SYNE1: variants seen among roughly 807,000 people sequenced by gnomAD.
The protein encoded by SYNE1 is nesprin-1.
Under a neutral mutation model 1,111.0 loss-of-function variants are expected in SYNE1, and 616 were observed. The ratio of observed to expected loss-of-function variants is 0.55; its 90% CI spans 0.52 to 0.59. SYNE1 has a LOEUF of 0.59. Among genes scored for constraint, SYNE1 ranks in the 20% least tolerant of loss-of-function variants. The pLI, the probability that SYNE1 is intolerant of heterozygous loss-of-function variation, is 0.00. For synonymous variants in SYNE1, 3,855 were observed against 3,825.8 expected (o/e 1.01, Z -0.28); for missense variants, 10,006 against 10,417.0 (o/e 0.96, Z 1.72).
chr6:152,511,720 A>G (rs1474242366), intron 6 of SYNE1: 2 of 910,938 alleles, frequency 2.2e-6, no homozygotes, highest in African/African-American at 1.7e-5. Flanking sequence ...AATACGTTTT[A>G]AAGAAAAACA....
At chr6:152,162,270 T>C (rs756763714) in intron 131 of SYNE1, among the ~76,000 whole-genome samples, 18 of 152,252 alleles carry the variant, frequency 1.2e-4, no homozygotes, top group Non-Finnish European at 2.2e-4. Flanking sequence ...CCCTCCATTC[T>C]GTTAACAACA....
Position 152,433,844 on chromosome 6 carries a change from G to A in SYNE1, c.4412C>T (p.Ala1471Val). Residue 1471 changes from alanine (A) to valine (V), a missense_variant, in exon 34 of 146, where the codon GCC becomes GTC. Ala to Val is a moderately conservative substitution (Grantham distance 64, BLOSUM62 0). Transcript: ENST00000367255. ...WITEKEKELNALETSSSAMDM... is the reference protein window; with the variant it reads ...WITEKEKELNVLETSSSAMDM... ...CATGGCAGATGACGAAGTTTCCAAG[G>A]CATTGAGTTCTTTTTCTTTCTCAGT... The A allele has an allele frequency of 6.2e-7, 1 of 1,613,814 alleles. No individual in the cohort carries two copies. The highest frequency in any genetic ancestry group is 1.1e-5 in the South Asian group (1 of 91,068).
At chr6:152,125,542 A>C in intron 145 of SYNE1, 1 of 699,090 alleles carries the variant, frequency 1.4e-6, no homozygotes, top group Non-Finnish European at 2.1e-6. Flanking sequence ...AGCTACCCAC[A>C]AACTTTGGAT....
chr6:152,332,136 G>A (rs1218423623), intron 77 of SYNE1, among the ~76,000 whole-genome samples: 2 of 152,070 alleles, frequency 1.3e-5, no homozygotes, highest in Admixed American at 6.6e-5. Context: ...CACCATGCTC[G>A]GCTAATTTTC....
rs776601282 is a variant in SYNE1 at position 152,352,047 on chromosome 6, C to A, written c.11560G>T (p.Ala3854Ser). The change falls in exon 70 of 146, where the codon GCT becomes TCT. Residue 3854 changes from alanine to serine, a missense_variant. Physicochemically the swap from Ala to Ser is moderately conservative, Grantham distance 99. Transcript: ENST00000367255. ...EPKMELYEKK[A>S]QLSKYKSLQQ... ...ACTACCTTGTATTTAGATAACTGAG[C>A]TTTTTTCTCATATAATTCCATTTTG... The A allele has an allele frequency of 5.6e-6, 9 of 1,614,140 alleles. No homozygotes were observed. In the South Asian group the frequency reaches 9.9e-5, roughly 18 times the overall value.
chr6:152,324,647 G>A (rs914525887), intron 81 of SYNE1, among the ~76,000 whole-genome samples: 23 of 150,782 alleles, frequency 1.5e-4, no homozygotes, highest in African/African-American at 5.1e-4. Context: ...ACAAAAAATT[G>A]GCCAGGCGTG....
chr6:152,262,098 T>A lies in SYNE1; in HGVS notation c.18906A>T (p.Leu6302=), dbSNP rs1245842843. Residue 6302 remains leucine, a synonymous_variant, in exon 101 of 146, where the codon CTA becomes CTT. Coordinates refer to ENST00000367255, the MANE Select transcript of SYNE1 (RefSeq NM_182961.4). Reference sequence around the variant, plus strand: ...TCTGCTTGGTACTAAATTCTTGATGTAGGCTTTCCCATTTCATTCTCATCT... The same window carrying A: ...TCTGCTTGGTACTAAATTCTTGATGAAGGCTTTCCCATTTCATTCTCATCT... ...EDQMRMKWES[L]HQEFSTKQKL... 1.9e-6 allele frequency: 3 copies of A among 1,613,950 alleles called. No individual in the cohort carries two copies. Among genetic ancestry groups the A allele is most frequent in the Non-Finnish European group, 2.5e-6 (3 of 1,179,950 alleles).
chr6:152,412,509 T>C (rs974124893), intron 42 of SYNE1, among the ~76,000 whole-genome samples: 2 of 151,926 alleles, frequency 1.3e-5, no homozygotes, highest in Non-Finnish European at 2.9e-5. Context: ...TCACATTCTA[T>C]GTGATTTTGT....
chr6:152,443,427 G>A (rs1057300579), intron 30 of SYNE1, among the ~76,000 whole-genome samples: 2 of 151,996 alleles, frequency 1.3e-5, no homozygotes, highest in African/African-American at 4.8e-5. Flanking sequence ...ACCACGCTCG[G>A]CTAATTTTTT....
At position 152,365,659 on chromosome 6, in the gene SYNE1, G is replaced by A. The variant is rs561973488; in HGVS notation, c.9973-640C>T. Among the ~76,000 whole-genome samples, 5 of 151,552 alleles carry A rather than the reference G, an allele frequency of 3.3e-5. No individual in the cohort carries two copies. The East Asian group carries it at 9.7e-4, about 30-fold the overall frequency. ...GTTTTTTTTTTTTTGTAAAGGTGAG[G>A]TCGATGCCCAGCCTGGTGTTGAACT... On this transcript the variant is annotated intron_variant, in intron 62 of 145. Coordinates refer to ENST00000367255, the MANE Select transcript of SYNE1 (RefSeq NM_182961.4).
chr6:152,254,072 C>T (rs2090206791), intron 104 of SYNE1, among the ~76,000 whole-genome samples: 1 of 150,984 alleles, frequency 6.6e-6, no homozygotes, highest in Non-Finnish European at 1.5e-5. Context: ...CCTAAGCACA[C>T]AATAAGAATT....
At chr6:152,614,083 C>G (rs1167707702) in intron 3 of SYNE1, among the ~76,000 whole-genome samples, 2 of 152,140 alleles carry the variant, frequency 1.3e-5, no homozygotes, top group Admixed American at 1.3e-4. Flanking sequence ...TGGGCAAGGA[C>G]TTCATGACTA....
intron 6 of SYNE1, among the ~76,000 whole-genome samples, chr6:152,519,134 T>C (rs976400759): frequency 6.6e-6 from 1 of 152,088 alleles, no homozygotes; most frequent in Non-Finnish European, 1.5e-5. Flanking sequence ...ACTTAAAGTA[T>C]AATAATAATT....
chr6:152,556,659 C>G (rs9371606), intron 3 of SYNE1, among the ~76,000 whole-genome samples: 87,270 of 152,020 alleles, frequency 0.57, 25,316 homozygotes, highest in East Asian at 0.65. Flanking sequence ...AAAATATCAA[C>G]TCAGCCCCTA....
At chr6:152,403,501 G>A (rs2097851027) in intron 46 of SYNE1, among the ~76,000 whole-genome samples, 1 of 152,098 alleles carries the variant, frequency 6.6e-6, no homozygotes, top group South Asian at 2.1e-4. Flanking sequence ...CAGGCAGATT[G>A]CATGAGCTCA....
rs148287101 is a variant in SYNE1 at position 152,615,934 on chromosome 6, T to A, written c.67+12331A>T. 3.3e-4 allele frequency among the ~76,000 whole-genome samples: 51 copies of A among 152,356 alleles called. 3 individuals carry two copies. The East Asian group carries it at 9.6e-3, about 29-fold the overall frequency. ...AGAAATTTTCACCGGTGTTTTTGTA[T>A]GCCATGTATCACATTTCCTACTAAT... On this transcript the variant is annotated intron_variant, in intron 3 of 145. Coordinates refer to ENST00000367255, the MANE Select transcript of SYNE1 (RefSeq NM_182961.4).
intron 70 of SYNE1, among the ~76,000 whole-genome samples, 173 bp downstream of exon 70, chr6:152,351,854 G>T (rs2096746705): frequency 6.6e-6 from 1 of 152,156 alleles, no homozygotes; most frequent in South Asian, 2.1e-4. Flanking sequence ...TGAGGTAGTG[G>T]ATTTAACCCA....
At chr6:152,451,531 G>A (rs1033269110) in intron 25 of SYNE1, among the ~76,000 whole-genome samples, 2 of 142,866 alleles carry the variant, frequency 1.4e-5, no homozygotes, top group African/African-American at 5.3e-5. Context: ...CGCCCAGGGT[G>A]GAGTACAGTG....
chr6:152,156,222 T>C (rs985616541), intron 131 of SYNE1, 125 bp from the exon 132 acceptor site: 8 of 980,258 alleles, frequency 8.2e-6, no homozygotes, highest in Non-Finnish European at 1.3e-5. Flanking sequence ...CTTGAATGTA[T>C]GACATTTATT....
Sources: allele counts gnomAD v4.1 joint callset (sites outside exome capture counted in the v4.1 genomes callset), GRCh38; gene constraint gnomAD v4.1.1; transcripts MANE v1.5; gene names NCBI Gene and HGNC (gene_info 2026-07-23, HGNC 2026-07-21).